Variants in ZNF365 observed in about 807,000 individuals in gnomAD.
ZNF365 encodes the protein zinc finger protein 365.
In ZNF365, 22 loss-of-function variants were observed where a neutral mutation model predicts 35.0. The observed-to-expected ratio is 0.63, with a 90% CI of 0.45 to 0.90. The LOEUF is 0.90. Ranked by LOEUF, ZNF365 falls within the 40% of genes least tolerant of loss-of-function variation. The pLI is 0.00. For synonymous variants in ZNF365, 188 were observed against 196.2 expected (o/e 0.96, Z 0.35); for missense variants, 448 against 500.3 (o/e 0.90, Z 1.00).
chr10:62,400,475 T>C lies in ZNF365; in HGVS notation c.*686T>C. The C allele has an allele frequency of 1.0e-6, 1 of 986,016 alleles. No individual in the cohort carries two copies. The highest frequency in any genetic ancestry group is 1.2e-6 in the Non-Finnish European group (1 of 829,956). 61.1% of individuals were successfully genotyped at this position (986,016 alleles called of 1,614,324 possible). A position where few individuals can be genotyped will look rare whatever the true frequency, so the allele number is the denominator to read the frequency against. ...CAGATTTTGGTACACCTCTGCCGTCTTCTTTGGCTGAGTATTCTGCACCCA... is the reference window on the plus strand; with the variant it reads ...CAGATTTTGGTACACCTCTGCCGTCCTCTTTGGCTGAGTATTCTGCACCCA... On this transcript the variant is annotated 3_prime_UTR_variant, in exon 5 of 5. Transcript: ENST00000395254.
intron 3 of ZNF365, among the ~76,000 whole-genome samples, chr10:62,430,087 A>G (rs377315680): frequency 6.6e-5 from 10 of 152,226 alleles, no homozygotes; most frequent in Admixed American, 5.9e-4. Context: ...TAACATAAGC[A>G]TGATTTCACT....
At chr10:62,480,162 A>G in exon 5 of ZNF365, 2 of 1,231,192 alleles carry the variant, frequency 1.6e-6, no homozygotes, top group Non-Finnish European at 2.0e-6. Context: ...AGTTTCTCAT[A>G]TAACCCATCA....
intron 4 of ZNF365, among the ~76,000 whole-genome samples, chr10:62,460,302 C>T (rs189261921): frequency 2.0e-5 from 3 of 152,248 alleles, no homozygotes; most frequent in African/African-American, 7.2e-5. Context: ...CTTTTATGTG[C>T]CAGGGATGCA....
At chr10:62,405,633 G>A (rs79671377), downstream of ZNF365, among the ~76,000 whole-genome samples, 3,311 of 152,312 alleles carry the variant, frequency 0.022, 121 homozygotes, top group African/African-American at 0.075. Flanking sequence ...TATAGACGTT[G>A]CCACTCTGTA....
chr10:62,408,920 C>T (rs1228887856), intron 3 of ZNF365, among the ~76,000 whole-genome samples: 2 of 152,152 alleles, frequency 1.3e-5, no homozygotes, highest in African/African-American at 4.8e-5. Context: ...GATAGCGTCT[C>T]TGATCTTCTT....
chr10:62,387,566 T>G (rs932309299), intron 2 of ZNF365, among the ~76,000 whole-genome samples: 2 of 152,198 alleles, frequency 1.3e-5, no homozygotes, highest in Non-Finnish European at 2.9e-5. Flanking sequence ...TTGTGAATTA[T>G]GTAGATAAAG....
At chr10:62,467,514 T>C (rs1233570134) in intron 4 of ZNF365, among the ~76,000 whole-genome samples, 1 of 152,250 alleles carries the variant, frequency 6.6e-6, no homozygotes, top group Non-Finnish European at 1.5e-5. Flanking sequence ...TTGTCTTTTT[T>C]GGCAGACACG....
chr10:62,428,714 G>A (rs1279930834), intron 3 of ZNF365, among the ~76,000 whole-genome samples: 1 of 152,130 alleles, frequency 6.6e-6, no homozygotes, highest in East Asian at 1.9e-4. Context: ...AGGGTTGGTG[G>A]GGTGAAACCC....
At chr10:62,439,193 T>A (rs1165717214) in intron 3 of ZNF365, among the ~76,000 whole-genome samples, 2 of 152,148 alleles carry the variant, frequency 1.3e-5, no homozygotes, top group African/African-American at 4.8e-5. Context: ...TCTTTACCAA[T>A]TTAAATTCTT....
At chr10:62,411,188 C>G (rs1839979679) in intron 3 of ZNF365, among the ~76,000 whole-genome samples, 1 of 152,022 alleles carries the variant, frequency 6.6e-6, no homozygotes, top group Admixed American at 6.6e-5. Flanking sequence ...AGACCTTTGT[C>G]AGAGGGATAG....
At chr10:62,394,523 T>C (rs572174442) in intron 3 of ZNF365, among the ~76,000 whole-genome samples, 2 of 152,296 alleles carry the variant, frequency 1.3e-5, no homozygotes, top group East Asian at 3.9e-4. Context: ...TTTGAGCAGT[T>C]GTGTGAGTGA....
In ZNF365 at chr10:62,399,871, A is replaced by G. The variant is rs569463704; in HGVS notation, c.*82A>G. ...AGCCAACAGTAATGTCTTTCTGGAAACATTCCATAGTAAGACACATTGGAA... is the reference window on the plus strand; with the variant it reads ...AGCCAACAGTAATGTCTTTCTGGAAGCATTCCATAGTAAGACACATTGGAA... On this transcript the variant is annotated 3_prime_UTR_variant, in exon 5 of 5. Coordinates refer to ENST00000395254, the MANE Select transcript of ZNF365 (RefSeq NM_014951.3). 2.0e-6 allele frequency: 3 copies of G among 1,488,756 alleles called. No individual in the cohort carries two copies. Among genetic ancestry groups the G allele is most frequent in the Admixed American group, 4.8e-5 (2 of 41,734 alleles). 92.2% of individuals were successfully genotyped at this position (1,488,756 alleles called of 1,614,324 possible). A position where few individuals can be genotyped will look rare whatever the true frequency, so the allele number is the denominator to read the frequency against.
intron 2 of ZNF365, among the ~76,000 whole-genome samples, chr10:62,379,090 T>C (rs2132408536): frequency 6.6e-6 from 1 of 150,546 alleles, no homozygotes; most frequent in African/African-American, 2.5e-5. Context: ...TGGCATGACG[T>C]CAGCTCACTG....
intron 3 of ZNF365, among the ~76,000 whole-genome samples, chr10:62,419,992 A>G (rs1840141137): frequency 6.6e-6 from 1 of 152,050 alleles, no homozygotes; most frequent in Non-Finnish European, 1.5e-5. Flanking sequence ...ATAAATTTAG[A>G]GAGATGTTTT....
At chr10:62,453,491 T>C (rs1477338980) in intron 3 of ZNF365, among the ~76,000 whole-genome samples, 1 of 152,250 alleles carries the variant, frequency 6.6e-6, no homozygotes, top group Non-Finnish European at 1.5e-5. Flanking sequence ...TAGTATTCCA[T>C]TGTATATATG....
At chr10:62,436,113 C>T (rs946338193) in intron 3 of ZNF365, among the ~76,000 whole-genome samples, 4 of 152,078 alleles carry the variant, frequency 2.6e-5, no homozygotes, top group African/African-American at 9.7e-5. Flanking sequence ...CTGGTCTGAA[C>T]GTCTTTGTGA....
chr10:62,432,999 C>A (rs1186573684), intron 3 of ZNF365, among the ~76,000 whole-genome samples: 1 of 152,114 alleles, frequency 6.6e-6, no homozygotes, highest in Non-Finnish European at 1.5e-5. Context: ...AAGGATTTGT[C>A]CACAGCAAAA....
At chr10:62,431,487 GCTGTTAATAGTCTAA>G (rs1564586927) in intron 3 of ZNF365, among the ~76,000 whole-genome samples, 6 of 31,896 alleles carry the variant, frequency 1.9e-4, no homozygotes, top group Admixed American at 1.7e-3. Flanking sequence ...CATAGTCTAT[GCTGTTAATAGTCTAA>G]TGCTGTTAAT....
chr10:62,406,082 T>A (rs1839900372), downstream of ZNF365, among the ~76,000 whole-genome samples: 1 of 152,174 alleles, frequency 6.6e-6, no homozygotes, highest in African/African-American at 2.4e-5. Context: ...AGTTAGTTAT[T>A]GGGACGAAGA....
Sources: allele counts gnomAD v4.1 joint callset (sites outside exome capture counted in the v4.1 genomes callset), GRCh38; gene constraint gnomAD v4.1.1; transcripts MANE v1.5; gene names NCBI Gene and HGNC (gene_info 2026-07-23, HGNC 2026-07-21).